The following SARNP variants were observed in gnomAD, a reference collection of about 807,000 sequenced individuals.
SARNP encodes SAP domain-containing ribonucleoprotein.
In SARNP, 5 loss-of-function variants were observed where a neutral mutation model predicts 38.1. The ratio of observed to expected loss-of-function variants is 0.13; its 90% CI spans 0.07 to 0.28. The LOEUF is 0.28. Ranked by LOEUF, SARNP falls within the 10% of genes least tolerant of loss-of-function variation. SARNP has a pLI of 1.00. For missense variants in SARNP, 180 were observed against 243.9 expected (o/e 0.74, Z 1.75); for synonymous variants, 84 against 80.6 (o/e 1.04, Z -0.23).
intron 9 of SARNP, among the ~76,000 whole-genome samples, chr12:55,787,200 G>A (rs1386336262): frequency 6.7e-6 from 1 of 150,288 alleles, no homozygotes; most frequent in African/African-American, 2.5e-5. Context: ...CTACTGCTCT[G>A]CAGCCTGGGT....
chr12:55,796,536 G>T (rs1879825584), intron 4 of SARNP, among the ~76,000 whole-genome samples: 1 of 152,098 alleles, frequency 6.6e-6, no homozygotes, highest in African/African-American at 2.4e-5. Context: ...CTGAGTAGCT[G>T]GAATTACAGG....
At chr12:55,761,217 C>T (rs1328912010) in intron 9 of SARNP, among the ~76,000 whole-genome samples, 1 of 151,424 alleles carries the variant, frequency 6.6e-6, no homozygotes, top group Non-Finnish European at 1.5e-5. Flanking sequence ...AAGAAACACC[C>T]ATAAAACAAA....
At chr12:55,790,463 T>A in intron 8 of SARNP, 104 bp downstream of exon 8, 1 of 1,267,236 alleles carries the variant, frequency 7.9e-7, no homozygotes, top group Non-Finnish European at 1.1e-6. Context: ...AGTCAACAAA[T>A]TAATGTTCTC....
intron 1 of SARNP, among the ~76,000 whole-genome samples, chr12:55,807,312 C>T (rs1452693828): frequency 1.3e-5 from 2 of 152,144 alleles, no homozygotes; most frequent in Admixed American, 6.6e-5. Flanking sequence ...GTTCATGGAC[C>T]AGCACCCCAA....
At chr12:55,811,821 C>T (rs1018092101) in intron 1 of SARNP, among the ~76,000 whole-genome samples, 2 of 152,144 alleles carry the variant, frequency 1.3e-5, no homozygotes, top group Admixed American at 6.5e-5. Context: ...ATTCACTTCC[C>T]GATTTCAATC....
intron 8 of SARNP, among the ~76,000 whole-genome samples, chr12:55,789,659 T>C (rs1879605057): frequency 6.6e-6 from 1 of 152,124 alleles, no homozygotes; most frequent in African/African-American, 2.4e-5. Context: ...AAGAATTATT[T>C]AGGGCCAGGC....
chr12:55,772,804 T>C (rs541875169), intron 9 of SARNP, among the ~76,000 whole-genome samples: 3 of 145,750 alleles, frequency 2.1e-5, no homozygotes, highest in Non-Finnish European at 4.5e-5. Flanking sequence ...AACCTTCACC[T>C]CCCGGGTTCA....
At chr12:55,774,577 AAC>A (rs1555172005) in intron 9 of SARNP, among the ~76,000 whole-genome samples, 9,706 of 62,780 alleles carry the variant, frequency 0.15, 740 homozygotes, top group East Asian at 0.31. Flanking sequence ...AAAAAAAACA[AAC>A]AAAAAAAAAA....
rs898262697 is a variant in SARNP, at chr12:55,777,406, G to A, written c.501+11669C>T. ...ATTTTTTTTTTTGAGATGGAGTCTC[G>A]CTCTGTCGCCCAGGCTGGAGTGCAG... On this transcript the variant is annotated intron_variant, in intron 9 of 10. Coordinates refer to ENST00000336133, the MANE Select transcript of SARNP (RefSeq NM_033082.4). Among the ~76,000 whole-genome samples the A allele has an allele frequency of 1.3e-4, 19 of 147,934 alleles. No individual in the cohort carries two copies. The East Asian group carries it at 2.4e-3, about 18-fold the overall frequency.
Position 55,794,858 on chromosome 12 carries a change from C to T in SARNP, c.326G>A (p.Arg109Gln), listed in dbSNP as rs937556788. 3.0e-5 allele frequency: 48 copies of T among 1,589,406 alleles called. No homozygotes were observed. The highest frequency in any genetic ancestry group is 4.0e-5 in the Non-Finnish European group (47 of 1,165,474). ...CTCCAAGCTCACAGGTACATTGAAT[C>T]GTTCAGCCCTCTTCTGCATTCTCTA... Reference protein sequence around the residue: ...QTERMQKRAERFNVPVSLESK... With the variant: ...QTERMQKRAEQFNVPVSLESK... Residue 109 changes from arginine (R) to glutamine (Q), a missense_variant, in exon 6 of 11, where the codon CGA becomes CAA. By Grantham distance (43) the Arg-to-Gln change is conservative (BLOSUM62 1). This residue lies in a region of SARNP where 161 missense variants were observed against 194.1 expected (regional missense o/e 0.83). Coordinates refer to ENST00000336133, the MANE Select transcript of SARNP (RefSeq NM_033082.4).
chr12:55,805,275 A>G, intron 1 of SARNP, among the ~76,000 whole-genome samples: 1 of 152,340 alleles, frequency 6.6e-6, no homozygotes, highest in South Asian at 2.1e-4. Context: ...ATAAATAAAT[A>G]AAATAAATAA....
intron 10 of SARNP, among the ~76,000 whole-genome samples, chr12:55,759,740 C>T (rs1002774679): frequency 7.2e-5 from 11 of 151,814 alleles, no homozygotes; most frequent in Non-Finnish European, 1.2e-4. Flanking sequence ...CATGCCCGGC[C>T]GCCTTTTTCT....
In SARNP at chr12:55,800,943, C is replaced by T. The variant is rs773283084; in HGVS notation, c.137-43G>A. The T allele has an allele frequency of 4.7e-6, 7 of 1,490,446 alleles. No homozygotes were observed. The South Asian group carries it at 7.9e-5, about 17-fold the overall frequency. The allele number at this position is 1,490,446 out of a possible 1,614,324, so 92.3% of individuals were successfully genotyped here. On this transcript the variant is annotated intron_variant, in intron 2 of 10. Coordinates refer to ENST00000336133, the MANE Select transcript of SARNP (RefSeq NM_033082.4). ...ATTCAGGTCAAGCCCTGCTACAAAACCATCTTGATCACTTACCAAGGTTAA... is the reference window on the plus strand; with the variant it reads ...ATTCAGGTCAAGCCCTGCTACAAAATCATCTTGATCACTTACCAAGGTTAA...
chr12:55,763,607 T>C (rs528076199), intron 9 of SARNP, among the ~76,000 whole-genome samples: 1 of 152,282 alleles, frequency 6.6e-6, no homozygotes, highest in African/African-American at 2.4e-5. Context: ...GCATCCAGGC[T>C]CATTTACTAC....
Position 55,800,620 on chromosome 12 carries a change from T to G in SARNP, c.193A>C (p.Thr65Pro), listed in dbSNP as rs558277429. 6.2e-7 allele frequency: 1 copy of G among 1,611,202 alleles called. No homozygotes were observed. The highest frequency in any genetic ancestry group is 2.2e-5 in the East Asian group (1 of 44,858). The change falls in exon 4 of 11, where the codon ACA (threonine) becomes CCA (proline). Residue 65 changes from threonine to proline, a missense_variant. Physicochemically the swap from Thr to Pro is conservative, Grantham distance 38 (BLOSUM62 -1). Coordinates refer to ENST00000336133, the MANE Select transcript of SARNP (RefSeq NM_033082.4). ...VLGDETEEEE[T>P]KPIELPVKEE... ...TTGACAGGGAGCTCAATGGGCTTTG[T>G]TTCTTCTTCCTAAAACCAAATGAAA...
chr12:55,759,749 C>G (rs1878619670), intron 10 of SARNP, among the ~76,000 whole-genome samples: 1 of 149,336 alleles, frequency 6.7e-6, no homozygotes, highest in African/African-American at 2.5e-5. Context: ...CCGCCTTTTT[C>G]TTTTTTGAGA....
chr12:55,785,257 T>G (rs989959244), intron 9 of SARNP, among the ~76,000 whole-genome samples: 2 of 152,146 alleles, frequency 1.3e-5, no homozygotes, highest in Non-Finnish European at 2.9e-5. Flanking sequence ...CAGCCAGAGT[T>G]CTGCCAATTA....
intron 9 of SARNP, among the ~76,000 whole-genome samples, chr12:55,768,660 T>C (rs941598073): frequency 1.3e-5 from 2 of 151,792 alleles, no homozygotes; most frequent in Non-Finnish European, 1.5e-5. Flanking sequence ...ACTCCTGACC[T>C]CAGGCGATCC....
At chr12:55,778,839 C>T (rs746978023) in intron 9 of SARNP, among the ~76,000 whole-genome samples, 17 of 152,042 alleles carry the variant, frequency 1.1e-4, no homozygotes, top group East Asian at 1.9e-4. Flanking sequence ...GGCATGGTGG[C>T]GCACACTTGT....
Sources: gnomAD v4.1 joint callset for allele counts (sites outside exome capture counted in the v4.1 genomes callset) on GRCh38, gnomAD v4.1.1 for gene constraint, gnomAD v4.1.1 regional missense constraint, MANE v1.5 for transcripts, NCBI Gene and HGNC (gene_info 2026-07-23, HGNC 2026-07-21) for gene names.